UPF2: variants seen among roughly 807,000 people sequenced by gnomAD.
The protein encoded by UPF2 is regulator of nonsense transcripts 2.
UPF2 carries 17 observed loss-of-function variants against 141.4 expected under a neutral mutation model. That is an observed-to-expected ratio of 0.12 (90% CI 0.08 to 0.18). UPF2 has a LOEUF of 0.18. UPF2 is among the 10% of genes least tolerant of loss of function. The probability of loss-of-function intolerance (pLI) is 1.00; values close to 1 mark genes in which losing one functional copy is unlikely to be tolerated. For synonymous variants in UPF2, 540 were observed against 498.0 expected, an observed-to-expected ratio of 1.08 and a Z score of -1.12; for missense variants, 1,152 against 1,515.9, an observed-to-expected ratio of 0.76 and a Z score of 3.99.
At chr10:12,040,489 A>G (rs1834717016) in intron 1 of UPF2, among the ~76,000 whole-genome samples, 2 of 152,208 alleles carry the variant, frequency 1.3e-5, no homozygotes, top group African/African-American at 4.8e-5. Flanking sequence ...ATAATAAAAC[A>G]GATTCTCCGT....
chr10:12,013,532 C>T (rs1834167713), intron 4 of UPF2, among the ~76,000 whole-genome samples: 2 of 152,110 alleles, frequency 1.3e-5, no homozygotes, highest in Non-Finnish European at 2.9e-5. Flanking sequence ...CTCGGCCTCC[C>T]AAAGTGCTAG....
chr10:12,024,886 A>G (rs1449742203), intron 3 of UPF2, among the ~76,000 whole-genome samples: 2 of 142,002 alleles, frequency 1.4e-5, no homozygotes, highest in Non-Finnish European at 3.0e-5. Flanking sequence ...CTGAGCCATG[A>G]TCACACGACT....
intron 3 of UPF2, among the ~76,000 whole-genome samples, chr10:12,027,769 G>A (rs77685193): frequency 3.2e-4 from 49 of 152,144 alleles, no homozygotes; most frequent in East Asian, 2.1e-3. Context: ...CACTACTCCT[G>A]TTCAATCTTC....
intron 9 of UPF2, among the ~76,000 whole-genome samples, chr10:11,970,386 G>A (rs1003802043): frequency 6.6e-6 from 1 of 151,510 alleles, no homozygotes; most frequent in Non-Finnish European, 1.5e-5. Flanking sequence ...CCACCAAAAT[G>A]TTAAGAGTCT....
chr10:11,955,383 C>G lies in UPF2; in HGVS notation c.2699G>C (p.Gly900Ala). 1 of 1,614,118 alleles carries G rather than the reference C, an allele frequency of 6.2e-7. No individual in the cohort carries two copies. The highest frequency in any genetic ancestry group is 1.1e-5 in the South Asian group (1 of 91,078). Reference protein sequence around the residue: ...FRTLYSFTSFGVNPDGSPSSL... With the variant: ...FRTLYSFTSFAVNPDGSPSSL... ...ACTTGGAGAGCCATCAGGATTAACA[C>G]CAAATGAGGTAAAAGAATACAGAGT... The change falls in exon 14 of 22, where the codon GGT becomes GCT. Residue 900 changes from glycine to alanine, a missense_variant. Gly to Ala is a moderately conservative substitution (Grantham distance 60). Around this residue, in one of 4 missense-constraint regions of UPF2, gnomAD observed 739 missense variants for 1,032.2 expected, o/e 0.72. Transcript: ENST00000357604.
In UPF2 at chr10:12,041,934, T is replaced by G. The variant is rs539363097; in HGVS notation, c.-19+821A>C. Among the ~76,000 whole-genome samples, 4 of 152,300 alleles carry G rather than the reference T, an allele frequency of 2.6e-5. No homozygotes were observed. The South Asian group carries it at 8.3e-4, about 32-fold the overall frequency. On this transcript the variant is annotated intron_variant, in intron 1 of 21. Coordinates refer to ENST00000357604, the MANE Select transcript of UPF2 (RefSeq NM_015542.4). ...AGCTGAAGGTCCGATCACCCCAGCG[T>G]GGACCCAGCTGGCTCTGCTCTGCCA...
intron 15 of UPF2, 98 bp from the exon 16 acceptor site, chr10:11,948,606 T>TGG: frequency 7.6e-7 from 1 of 1,310,540 alleles, no homozygotes; most frequent in East Asian, 2.3e-5. Flanking sequence ...GCATTAAGAA[T>TGG]TCAACAGCCA....
intron 16 of UPF2, among the ~76,000 whole-genome samples, chr10:11,947,222 G>A (rs1013130094): frequency 6.6e-6 from 1 of 152,038 alleles, no homozygotes; most frequent in South Asian, 2.1e-4. Context: ...AAAACCCAAA[G>A]AATTAAAACT....
chr10:11,984,572 T>C lies in UPF2; in HGVS notation c.1845-5407A>G, dbSNP rs895007584. On this transcript the variant is annotated intron_variant, in intron 8 of 21. Coordinates refer to ENST00000357604, the MANE Select transcript of UPF2 (RefSeq NM_015542.4). Reference sequence around the variant, plus strand: ...TATGTCATTTCACTTTTCTTCTTTTTTTCCTTCCTCGTGCTACCTAGTCTA... The same window carrying C: ...TATGTCATTTCACTTTTCTTCTTTTCTTCCTTCCTCGTGCTACCTAGTCTA... Among the ~76,000 whole-genome samples the C allele has an allele frequency of 3.9e-5, 6 of 152,152 alleles. No homozygotes were observed. In the East Asian group the frequency reaches 9.6e-4, roughly 24 times the overall value.
At chr10:11,976,322 G>A (rs1166452687) in intron 9 of UPF2, among the ~76,000 whole-genome samples, 1 of 152,116 alleles carries the variant, frequency 6.6e-6, no homozygotes, top group African/African-American at 2.4e-5. Flanking sequence ...CTCCAGGTAT[G>A]GAAAATGAAA....
At chr10:11,989,786 C>A (rs541967914) in intron 8 of UPF2, among the ~76,000 whole-genome samples, 1 of 152,188 alleles carries the variant, frequency 6.6e-6, no homozygotes, top group Admixed American at 6.5e-5. Context: ...AGTTCACACG[C>A]TTGTCTCCCA....
At chr10:11,987,988 G>T (rs944286143) in intron 8 of UPF2, among the ~76,000 whole-genome samples, 11 of 152,100 alleles carry the variant, frequency 7.2e-5, no homozygotes, top group Non-Finnish European at 1.6e-4. Flanking sequence ...GAGGATGGGA[G>T]AAAATACTTC....
chr10:11,991,660 A>C (rs527756772), intron 8 of UPF2, among the ~76,000 whole-genome samples: 2 of 152,274 alleles, frequency 1.3e-5, no homozygotes, highest in South Asian at 4.1e-4. Context: ...CCTAGATTTC[A>C]ACACAGTAAT....
In UPF2 at chr10:11,931,483, G is replaced by T. The variant is rs1832781281; in HGVS notation, c.3688+158C>A. On this transcript the variant is annotated intron_variant, in intron 20 of 21. Coordinates refer to ENST00000357604, the MANE Select transcript of UPF2 (RefSeq NM_015542.4). The surrounding 1 kb of genome is among the most constrained non-coding windows in gnomAD (Gnocchi z 5.9). Reference sequence around the variant, plus strand: ...AAAATATGGTGAAAATTATATTATTGTTATTTTACAAATAAGTGAAAGAAA... The same window carrying T: ...AAAATATGGTGAAAATTATATTATTTTTATTTTACAAATAAGTGAAAGAAA... Among the ~76,000 whole-genome samples the T allele has an allele frequency of 6.6e-6, 1 of 151,934 alleles. No homozygotes were observed. Among genetic ancestry groups the T allele is most frequent in the Non-Finnish European group, 1.5e-5 (1 of 68,008 alleles).
At chr10:11,946,032 T>C (rs1832996120) in intron 16 of UPF2, among the ~76,000 whole-genome samples, 1 of 152,150 alleles carries the variant, frequency 6.6e-6, no homozygotes, top group Non-Finnish European at 1.5e-5. Context: ...AGTTCTAAAT[T>C]TTTACTAACT....
chr10:12,002,473 G>A (rs767009230), intron 5 of UPF2, among the ~76,000 whole-genome samples: 11 of 152,112 alleles, frequency 7.2e-5, no homozygotes, highest in Admixed American at 3.3e-4. Flanking sequence ...ATTAAAAAGC[G>A]TCTCAAACTC....
intron 4 of UPF2, among the ~76,000 whole-genome samples, chr10:12,007,111 G>A (rs1834047402): frequency 2.0e-5 from 3 of 152,130 alleles, no homozygotes; most frequent in Non-Finnish European, 4.4e-5. Context: ...AGACAACTAT[G>A]TAATATTAAT....
At chr10:11,928,907 T>C (rs1463512424) in intron 21 of UPF2, among the ~76,000 whole-genome samples, 1 of 152,214 alleles carries the variant, frequency 6.6e-6, no homozygotes. Context: ...CCCAGCACTT[T>C]GGGAGGCCAA....
intron 4 of UPF2, among the ~76,000 whole-genome samples, chr10:12,010,325 T>C (rs1205667876): frequency 6.6e-6 from 1 of 152,162 alleles, no homozygotes; most frequent in Non-Finnish European, 1.5e-5. Flanking sequence ...ATCACACAGA[T>C]GACAAGATTT....
Sources: gnomAD v4.1 joint callset for allele counts (sites outside exome capture counted in the v4.1 genomes callset) on GRCh38, gnomAD v4.1.1 for gene constraint, gnomAD v4.1.1 regional missense constraint, Gnocchi (gnomAD v3.1) non-coding constraint, MANE v1.5 for transcripts, NCBI Gene and HGNC (gene_info 2026-07-23, HGNC 2026-07-21) for gene names.